LTBP2: variants seen among roughly 807,000 people sequenced by gnomAD.
LTBP2 encodes latent transforming growth factor beta binding protein 2, also known as latent-transforming growth factor beta-binding protein 2.
A neutral mutation model predicts 210.6 loss-of-function variants in LTBP2; 103 were observed. The observed-to-expected ratio is 0.49, with a 90% CI of 0.42 to 0.58. The LOEUF (loss-of-function observed/expected upper bound fraction) is 0.58, where lower values mean the gene tolerates loss of function less well. Ranked by LOEUF, LTBP2 falls within the 20% of genes least tolerant of loss-of-function variation. LTBP2 has a pLI of 0.00. For missense variants in LTBP2, 2,313 were observed against 2,494.5 expected (o/e 0.93, Z 1.55); for synonymous variants, 1,007 against 1,015.0 (o/e 0.99, Z 0.15).
Position 74,500,856 on chromosome 14 carries a change from A to C in LTBP2, c.*28T>G, listed in dbSNP as rs1236260141. 4 of 1,613,416 alleles carry C rather than the reference A, an allele frequency of 2.5e-6. No individual in the cohort carries two copies. The highest frequency in any genetic ancestry group is 3.4e-6 in the Non-Finnish European group (4 of 1,179,922). The stretch of plus-strand genomic sequence containing the variant: ...CTGCCTGTGACTGGAGGCCATTTCC[A>C]GGTAGTTGCCACACTGACCCCTGAC... On this transcript the variant is annotated 3_prime_UTR_variant, in exon 36 of 36. Coordinates refer to ENST00000261978, the MANE Select transcript of LTBP2 (RefSeq NM_000428.3).
intron 3 of LTBP2, among the ~76,000 whole-genome samples, chr14:74,567,557 G>A (rs991604939): frequency 3.9e-5 from 6 of 152,068 alleles, no homozygotes; most frequent in Admixed American, 1.3e-4. Context: ...CTGCTGTGGC[G>A]ATAGCCCTCT....
intron 30 of LTBP2, 91 bp from the exon 31 acceptor site, chr14:74,504,145 TC>T (rs2139688892): frequency 6.5e-7 from 1 of 1,527,194 alleles, no homozygotes; most frequent in East Asian, 2.4e-5. Context: ...TGGGTTTGAA[TC>T]CCAGCTCTGC....
rs1381419653 is a variant in LTBP2, at chr14:74,586,673, A to G, written c.566-555T>C. On this transcript the variant is annotated intron_variant, in intron 2 of 35. Coordinates refer to ENST00000261978, the MANE Select transcript of LTBP2 (RefSeq NM_000428.3). The surrounding 1 kb of genome is among the most constrained non-coding windows in gnomAD (Gnocchi z 4.6). ...TTCACTGAGCCTCTATTTGCGCCTA[A>G]ATCACGGGAGGGGTGAACTAAGGAG... 6.6e-6 allele frequency among the ~76,000 whole-genome samples: 1 copy of G among 152,114 alleles called. No individual in the cohort carries two copies. Among genetic ancestry groups the G allele is most frequent in the Admixed American group, 6.5e-5 (1 of 15,270 alleles).
At chr14:74,591,287 A>G (rs953393180) in intron 2 of LTBP2, among the ~76,000 whole-genome samples, 1 of 152,238 alleles carries the variant, frequency 6.6e-6, no homozygotes, top group Non-Finnish European at 1.5e-5. Context: ...AGTGAGGGTT[A>G]GGGCTGGCAA....
At chr14:74,532,354 T>C in intron 10 of LTBP2, 72 bp downstream of exon 10, 2 of 1,601,766 alleles carry the variant, frequency 1.2e-6, no homozygotes, top group Admixed American at 1.7e-5. Context: ...GCCCTGGGCC[T>C]GGCCTGTGGA....
At chr14:74,533,299 C>A (rs947409707) in intron 9 of LTBP2, among the ~76,000 whole-genome samples, 1 of 152,216 alleles carries the variant, frequency 6.6e-6, no homozygotes, top group South Asian at 2.1e-4. Context: ...CCAGGAATAG[C>A]CAGGTCACCC....
chr14:74,509,707 C>T, intron 21 of LTBP2, 27 bp downstream of exon 21: 2 of 1,613,898 alleles, frequency 1.2e-6, no homozygotes, highest in Non-Finnish European at 1.7e-6. Context: ...ATTCTGTCCC[C>T]TTCCACCACT....
At chr14:74,537,427 T>C (rs1360910026) in intron 8 of LTBP2, among the ~76,000 whole-genome samples, 4 of 152,204 alleles carry the variant, frequency 2.6e-5, no homozygotes, top group Non-Finnish European at 4.4e-5. Context: ...CAGACCTTAT[T>C]CCATACAAAG....
intron 9 of LTBP2, 39 bp from the exon 10 acceptor site, chr14:74,532,587 G>A (rs368824495): frequency 5.6e-5 from 90 of 1,611,168 alleles, no homozygotes; most frequent in Non-Finnish European, 6.7e-5. Context: ...CCCGCCCCAC[G>A]GAGGCCTGAT....
intron 15 of LTBP2, among the ~76,000 whole-genome samples, chr14:74,524,149 T>A (rs925078014): frequency 2.6e-5 from 4 of 152,134 alleles, no homozygotes; most frequent in African/African-American, 9.6e-5. Context: ...CCCTGCCCCC[T>A]GCTTCCCATC....
At chr14:74,603,551 G>A (rs566257047) in intron 2 of LTBP2, 84 bp downstream of exon 2, 1 of 1,430,222 alleles carries the variant, frequency 7.0e-7, no homozygotes, top group Admixed American at 1.7e-5. Context: ...GAGTACCTAA[G>A]CTTGACCTGC....
At chr14:74,551,921 C>T (rs915734936) in intron 6 of LTBP2, among the ~76,000 whole-genome samples, 8 of 152,166 alleles carry the variant, frequency 5.3e-5, no homozygotes, top group African/African-American at 1.7e-4. Context: ...TCCTTGAGGG[C>T]GGCACCCTGC....
intron 2 of LTBP2, among the ~76,000 whole-genome samples, chr14:74,594,137 T>A (rs1470951156): frequency 6.6e-6 from 1 of 152,098 alleles, no homozygotes; most frequent in Non-Finnish European, 1.5e-5. Context: ...GTTACAGAGA[T>A]AAACAACCAA....
intron 7 of LTBP2, 33 bp from the exon 8 acceptor site, chr14:74,549,998 C>T (rs759815641): frequency 1.5e-6 from 2 of 1,339,992 alleles, no homozygotes; most frequent in South Asian, 1.2e-5. Context: ...CCTGTGACCA[C>T]CCCCCTTCCC....
chr14:74,534,637 G>A (rs1253998757), intron 9 of LTBP2, among the ~76,000 whole-genome samples: 1 of 152,148 alleles, frequency 6.6e-6, no homozygotes, highest in Non-Finnish European at 1.5e-5. Flanking sequence ...GGGTCTGTCT[G>A]CACTTGGGGC....
chr14:74,533,534 G>C (rs1232174561), intron 9 of LTBP2, among the ~76,000 whole-genome samples: 1 of 152,200 alleles, frequency 6.6e-6, no homozygotes, highest in Non-Finnish European at 1.5e-5. Context: ...GGAGGACCCT[G>C]GTAAGGAAAA....
intron 5 of LTBP2, 150 bp from the exon 6 acceptor site, chr14:74,552,543 C>G: frequency 1.3e-6 from 1 of 756,424 alleles, no homozygotes; most frequent in Non-Finnish European, 2.3e-6. Flanking sequence ...GGACTTTCCA[C>G]TTCATTCATG....
intron 34 of LTBP2, 82 bp downstream of exon 34, chr14:74,502,571 G>A (rs2086922844): frequency 6.3e-7 from 1 of 1,588,200 alleles, no homozygotes; most frequent in Non-Finnish European, 8.6e-7. Context: ...CACCCTGCTG[G>A]CAATATGACT....
Position 74,504,095 on chromosome 14 carries a change from AGTATGAGG to A in LTBP2, c.4454-49_4454-42del, listed in dbSNP as rs1219895255. On this transcript the variant is annotated intron_variant, in intron 30 of 35. Transcript: ENST00000261978. The stretch of plus-strand genomic sequence containing the variant: ...CTGAGGTGAGAGGAAGGTGAGAGGC[AGTATGAGG>A]GGTACCTAGAGCAGGGAATCCAAAG... The A allele has an allele frequency of 2.5e-6, 4 of 1,609,890 alleles. No homozygotes were observed. In the South Asian group the frequency reaches 4.4e-5, roughly 18 times the overall value.
Sources: allele counts gnomAD v4.1 joint callset (sites outside exome capture counted in the v4.1 genomes callset), GRCh38; gene constraint gnomAD v4.1.1; non-coding constraint Gnocchi (gnomAD v3.1); transcripts MANE v1.5; gene names NCBI Gene and HGNC (gene_info 2026-07-23, HGNC 2026-07-21).